TXN2: variants seen among roughly 807,000 people sequenced by gnomAD.
TXN2 encodes the protein thioredoxin, mitochondrial.
TXN2 carries 12 observed loss-of-function variants against 14.6 expected under a neutral mutation model. That is an observed-to-expected ratio of 0.82 (90% CI 0.53 to 1.33). TXN2 has a LOEUF of 1.33. Among genes scored for constraint, TXN2 ranks in the 40% most tolerant of loss-of-function variants. TXN2 has a pLI of 0.00. For missense variants in TXN2, 173 were observed against 207.7 expected (o/e 0.83, Z 1.03); for synonymous variants, 89 against 81.0 (o/e 1.10, Z -0.53).
At chr22:36,471,152 C>T (rs1933266277) in intron 3 of TXN2, among the ~76,000 whole-genome samples, 1 of 152,036 alleles carries the variant, frequency 6.6e-6, no homozygotes, top group South Asian at 2.1e-4. Context: ...GTGCACAGGG[C>T]CTTGGCACAT....
chr22:36,478,390 C>A (rs1270768807), intron 2 of TXN2, among the ~76,000 whole-genome samples: 50 of 152,194 alleles, frequency 3.3e-4, no homozygotes, highest in Admixed American at 1.3e-4. Context: ...ATTTATTGTT[C>A]ATTTCGGAAG....
In TXN2 at chr22:36,480,561, C is replaced by T. The variant is rs568107961; in HGVS notation, c.263+14G>A. 3.7e-5 allele frequency: 59 copies of T among 1,610,576 alleles called. 1 individual carries two copies. The South Asian group carries it at 6.4e-4, about 17-fold the overall frequency. Reference sequence around the variant, plus strand: ...AAGTAGGACCCTAGTCTTCTGTGGACCCCCAATACTCACTGTGCGTGGAAA... The same window carrying T: ...AAGTAGGACCCTAGTCTTCTGTGGATCCCCAATACTCACTGTGCGTGGAAA... On this transcript the variant is annotated intron_variant, in intron 2 of 3. Transcript: ENST00000216185.
chr22:36,480,960 A>G (rs1933490002), intron 1 of TXN2, 123 bp from the exon 2 acceptor site: 4 of 1,084,884 alleles, frequency 3.7e-6, no homozygotes, highest in Middle Eastern at 5.5e-4. Context: ...CAAGGAAATC[A>G]TATGTAAGAT....
At chr22:36,477,620 A>T (rs1291539106) in intron 2 of TXN2, among the ~76,000 whole-genome samples, 2 of 152,156 alleles carry the variant, frequency 1.3e-5, no homozygotes, top group African/African-American at 4.8e-5. Flanking sequence ...GGGATATTTC[A>T]AACACCATGT....
At chr22:36,473,180 C>T (rs527819644) in intron 3 of TXN2, among the ~76,000 whole-genome samples, 1 of 152,098 alleles carries the variant, frequency 6.6e-6, no homozygotes, top group East Asian at 1.9e-4. Flanking sequence ...TAGTGGCTCA[C>T]GCCCGCAATC....
At chr22:36,478,112 G>C (rs1270798984) in intron 2 of TXN2, among the ~76,000 whole-genome samples, 1 of 148,180 alleles carries the variant, frequency 6.7e-6, no homozygotes, top group Non-Finnish European at 1.5e-5. Flanking sequence ...ACTCCAGCCT[G>C]GGCGACAGAG....
intron 3 of TXN2, among the ~76,000 whole-genome samples, chr22:36,475,698 T>C (rs749144177): frequency 7.2e-5 from 11 of 152,210 alleles, no homozygotes; most frequent in Non-Finnish European, 1.2e-4. Flanking sequence ...TACTAGAATG[T>C]AGACTCCACG....
intron 3 of TXN2, among the ~76,000 whole-genome samples, chr22:36,469,278 A>G (rs1933223993): frequency 1.3e-5 from 2 of 152,220 alleles, no homozygotes; most frequent in Non-Finnish European, 2.9e-5. Flanking sequence ...TAAGCTTAGG[A>G]ACCTGGCATT....
chr22:36,472,356 G>A (rs1032539995), intron 3 of TXN2, among the ~76,000 whole-genome samples: 5 of 152,128 alleles, frequency 3.3e-5, no homozygotes, highest in African/African-American at 1.2e-4. Context: ...ATGCTAGAAT[G>A]TGGACACCGG....
At chr22:36,470,958 C>A (rs1047547004) in intron 3 of TXN2, among the ~76,000 whole-genome samples, 2 of 151,592 alleles carry the variant, frequency 1.3e-5, no homozygotes, top group African/African-American at 4.9e-5. Context: ...CTTAAACACA[C>A]ACACGCATAC....
chr22:36,476,975 T>G, intron 2 of TXN2, 119 bp from the exon 3 acceptor site: 1 of 1,497,422 alleles, frequency 6.7e-7, no homozygotes, highest in Non-Finnish European at 8.9e-7. Context: ...CTGTTTACCA[T>G]GTTTAAAAAT....
At chr22:36,481,415 G>T in intron 1 of TXN2, 149 bp downstream of exon 1, 1 of 183,522 alleles carries the variant, frequency 5.4e-6, no homozygotes. Context: ...TGTGTGGAGG[G>T]AACTGGGAAA....
intron 3 of TXN2, chr22:36,468,464 C>T: frequency 3.3e-6 from 1 of 307,594 alleles, no homozygotes; most frequent in Non-Finnish European, 6.5e-6. Context: ...TGGCTTATAT[C>T]TATAATCCCA....
chr22:36,469,845 A>G (rs989190941), intron 3 of TXN2, among the ~76,000 whole-genome samples: 1 of 152,096 alleles, frequency 6.6e-6, no homozygotes, highest in Non-Finnish European at 1.5e-5. Flanking sequence ...AGTCCCAGCT[A>G]CTCGGGAGGC....
intron 3 of TXN2, among the ~76,000 whole-genome samples, chr22:36,474,815 G>A (rs944435146): frequency 1.3e-4 from 20 of 152,176 alleles, no homozygotes; most frequent in African/African-American, 4.3e-4. Flanking sequence ...CCCCAGCTCC[G>A]TACTCGGCCC....
At chr22:36,477,965 C>A (rs923977118) in intron 2 of TXN2, among the ~76,000 whole-genome samples, 1 of 151,824 alleles carries the variant, frequency 6.6e-6, no homozygotes, top group Non-Finnish European at 1.5e-5. Flanking sequence ...GGTAAAACCT[C>A]GTCTCTACTA....
At chr22:36,481,446 C>A (rs1933500779) in intron 1 of TXN2, 118 bp downstream of exon 1, 1 of 303,562 alleles carries the variant, frequency 3.3e-6, no homozygotes, top group Non-Finnish European at 5.2e-6. Flanking sequence ...CACCAGGGAC[C>A]CTGGCTCTCC....
intron 2 of TXN2, 93 bp from the exon 3 acceptor site, chr22:36,476,949 T>A: frequency 6.4e-7 from 1 of 1,568,238 alleles, no homozygotes; most frequent in Non-Finnish European, 8.6e-7. Flanking sequence ...CAAGGAATCT[T>A]TTGCCCTTAT....
At chr22:36,468,667 G>A in intron 3 of TXN2, 1 of 450,134 alleles carries the variant, frequency 2.2e-6, no homozygotes. Context: ...TGAGGCTTCA[G>A]TGAGCTGTGA....
Sources: allele counts gnomAD v4.1 joint callset (sites outside exome capture counted in the v4.1 genomes callset), GRCh38; gene constraint gnomAD v4.1.1; transcripts MANE v1.5; gene names NCBI Gene and HGNC (gene_info 2026-07-23, HGNC 2026-07-21).